PLEKHA8: variants seen among roughly 807,000 people sequenced by gnomAD.
PLEKHA8 encodes pleckstrin homology domain-containing family A member 8.
A neutral mutation model predicts 68.2 loss-of-function variants in PLEKHA8; 36 were observed. The observed-to-expected ratio is 0.53, with a 90% CI of 0.40 to 0.70. The LOEUF is 0.70. Among genes scored for constraint, PLEKHA8 ranks in the 30% least tolerant of loss-of-function variants. The pLI is 0.00. For missense variants in PLEKHA8, 505 were observed against 615.4 expected (o/e 0.82, Z 1.90); for synonymous variants, 211 against 216.1 (o/e 0.98, Z 0.20).
chr7:30,109,735 A>G (rs1357702456), intron 13 of PLEKHA8, among the ~76,000 whole-genome samples: 3 of 150,540 alleles, frequency 2.0e-5, no homozygotes, highest in Non-Finnish European at 4.4e-5. Flanking sequence ...GCAGTGGTAC[A>G]ATCACGCCTC....
At chr7:30,116,079 CATACGCATACAT>C (rs1796527991) in intron 13 of PLEKHA8, 1 of 147,652 alleles carries the variant, frequency 6.8e-6, no homozygotes, top group African/African-American at 2.5e-5. Context: ...TACATGTATA[CATACGCATACAT>C]ACGTATACAT....
Position 30,081,811 on chromosome 7 carries a change from G to A in PLEKHA8, c.*3024G>A. 1 of 985,376 alleles carries A rather than the reference G, an allele frequency of 1.0e-6. No homozygotes were observed. The highest frequency in any genetic ancestry group is 1.2e-6 in the Non-Finnish European group (1 of 829,890). The allele number at this position is 985,376 out of a possible 1,614,324, so 61.0% of individuals were successfully genotyped here. On this transcript the variant is annotated 3_prime_UTR_variant, in exon 14 of 14. Transcript: ENST00000449726. Reference sequence around the variant, plus strand: ...AGACATTTCCACACAATTTCATCGTGCCTGTACTTTTCTCTATGGTAAAAG... The same window carrying A: ...AGACATTTCCACACAATTTCATCGTACCTGTACTTTTCTCTATGGTAAAAG...
chr7:30,064,478 G>C (rs1204451886), intron 12 of PLEKHA8, among the ~76,000 whole-genome samples: 4 of 152,158 alleles, frequency 2.6e-5, no homozygotes, highest in African/African-American at 7.2e-5. Flanking sequence ...AGGAGGTCAA[G>C]GCTGCAGTGA....
intron 13 of PLEKHA8, among the ~76,000 whole-genome samples, chr7:30,101,848 A>G (rs982024562): frequency 4.6e-5 from 7 of 152,226 alleles, no homozygotes; most frequent in African/African-American, 7.2e-5. Flanking sequence ...ATAGATCTCA[A>G]GGTTCAGTGC....
At position 30,030,297 on chromosome 7, in the gene PLEKHA8, G is replaced by A. The variant is rs181063301; in HGVS notation, c.40+1495G>A. ...CATCCCCAACTTTTTTTGTTGTTTT[G>A]TGGGGTTTTTTCCCCCTCTTTTCCT... On this transcript the variant is annotated intron_variant, in intron 1 of 13. Coordinates refer to ENST00000449726, the MANE Select transcript of PLEKHA8 (RefSeq NM_001197026.2). Among the ~76,000 whole-genome samples the A allele has an allele frequency of 2.7e-3, 401 of 149,898 alleles. 3 individuals carry two copies. Among genetic ancestry groups the A allele is most frequent in the African/African-American group, 9.4e-3 (381 of 40,650 alleles).
rs1795062169 is a variant in PLEKHA8, at chr7:30,083,819, C to T, written c.*5032C>T. The T allele has an allele frequency of 1.0e-6, 1 of 985,354 alleles. No individual in the cohort carries two copies. Among genetic ancestry groups the T allele is most frequent in the South Asian group, 4.7e-5 (1 of 21,276 alleles). The allele number at this position is 985,354 out of a possible 1,614,324, so 61.0% of individuals were successfully genotyped here. ...TTAAAGTGTGGTCAGTATTTCCTCC[C>T]TGTACCTTACAAACAGAAACCACCC... is the stretch of plus-strand genomic sequence containing the variant. On this transcript the variant is annotated 3_prime_UTR_variant, in exon 14 of 14. Coordinates refer to ENST00000449726, the MANE Select transcript of PLEKHA8 (RefSeq NM_001197026.2).
intron 13 of PLEKHA8, among the ~76,000 whole-genome samples, chr7:30,100,816 C>G (rs1025094399): frequency 2.6e-5 from 4 of 152,086 alleles, no homozygotes; most frequent in Non-Finnish European, 4.4e-5. Context: ...ATGATGTATA[C>G]AAATAAACCT....
At chr7:30,071,089 T>C (rs980209225) in intron 12 of PLEKHA8, among the ~76,000 whole-genome samples, 1 of 152,242 alleles carries the variant, frequency 6.6e-6, no homozygotes, top group African/African-American at 2.4e-5. Flanking sequence ...TGGTTATCTC[T>C]GGGAGAAAGG....
intron 6 of PLEKHA8, among the ~76,000 whole-genome samples, chr7:30,050,977 A>G (rs918762596): frequency 1.3e-5 from 2 of 152,186 alleles, no homozygotes; most frequent in African/African-American, 4.8e-5. Flanking sequence ...CTAAATTACT[A>G]TAGCCTCAAC....
At position 30,079,076 on chromosome 7, in the gene PLEKHA8, G is replaced by T; in HGVS notation, c.*289G>T. On this transcript the variant is annotated 3_prime_UTR_variant, in exon 14 of 14. Transcript: ENST00000449726. ...AGCAGATTTAACAAACAAATTTGCT[G>T]TTATTGTGTATTGTATTGTTTTTAT... is the stretch of plus-strand genomic sequence containing the variant. 1 of 1,159,642 alleles carries T rather than the reference G, an allele frequency of 8.6e-7. No individual in the cohort carries two copies. The allele number at this position is 1,159,642 out of a possible 1,614,324, so 71.8% of individuals were successfully genotyped here.
At chr7:30,094,998 G>A (rs184337547), downstream of PLEKHA8, among the ~76,000 whole-genome samples, 26 of 152,270 alleles carry the variant, frequency 1.7e-4, no homozygotes, top group Admixed American at 3.3e-4. Flanking sequence ...GTGTGCATGT[G>A]TCTTTATAGC....
At chr7:30,052,640 C>CCAAAAAA (rs1792509976) in intron 6 of PLEKHA8, 69 bp from the exon 7 acceptor site, 1 of 949,014 alleles carries the variant, frequency 1.1e-6, no homozygotes, top group African/African-American at 2.6e-5. Context: ...GACCCTGTTT[C>CCAAAAAA]AAAAAAAAAA....
intron 13 of PLEKHA8, chr7:30,118,006 G>A (rs1463341352): frequency 1.3e-6 from 2 of 1,530,442 alleles, no homozygotes; most frequent in Admixed American, 2.0e-5. Context: ...CAGGAGGGCT[G>A]TCACTCAGAA....
At chr7:30,045,656 G>A (rs557895802) in intron 2 of PLEKHA8, among the ~76,000 whole-genome samples, 126 of 152,196 alleles carry the variant, frequency 8.3e-4, no homozygotes, top group Non-Finnish European at 1.5e-3. Flanking sequence ...GGTGTGGCTC[G>A]GAAGAAAAAC....
At chr7:30,091,034 C>T (rs935619475), downstream of PLEKHA8, among the ~76,000 whole-genome samples, 2 of 152,094 alleles carry the variant, frequency 1.3e-5, no homozygotes, top group Non-Finnish European at 2.9e-5. Context: ...CGTGATGGTG[C>T]ATGCCTGTAG....
chr7:30,077,064 T>G (rs986171566), intron 13 of PLEKHA8, among the ~76,000 whole-genome samples: 4 of 152,180 alleles, frequency 2.6e-5, no homozygotes, highest in African/African-American at 9.7e-5. Context: ...ACTCTATTAC[T>G]GGTTCTCCCC....
At chr7:30,050,254 G>A (rs1792298140) in intron 5 of PLEKHA8, among the ~76,000 whole-genome samples, 180 bp from the exon 6 acceptor site, 1 of 152,126 alleles carries the variant, frequency 6.6e-6, no homozygotes, top group South Asian at 2.1e-4. Context: ...GTATAAATAA[G>A]AAGGACTAGT....
At chr7:30,049,059 A>T in intron 4 of PLEKHA8, 165 bp from the exon 5 acceptor site, 1 of 763,814 alleles carries the variant, frequency 1.3e-6, no homozygotes. Flanking sequence ...GCTGATAGTT[A>T]CTTGATTAAT....
intron 5 of PLEKHA8, among the ~76,000 whole-genome samples, chr7:30,049,629 A>G (rs967868458): frequency 6.6e-6 from 1 of 152,114 alleles, no homozygotes; most frequent in Non-Finnish European, 1.5e-5. Context: ...AGTCTTGCCT[A>G]AAGTTGTGAT....
Sources: gnomAD v4.1 joint callset for allele counts (sites outside exome capture counted in the v4.1 genomes callset) on GRCh38, gnomAD v4.1.1 for gene constraint, MANE v1.5 for transcripts, NCBI Gene and HGNC (gene_info 2026-07-23, HGNC 2026-07-21) for gene names.